Variants in TENM1 observed in about 807,000 individuals in gnomAD.
TENM1 encodes teneurin-1.
A neutral mutation model predicts 174.8 loss-of-function variants in TENM1; 35 were observed. The ratio of observed to expected loss-of-function variants is 0.20; its 90% CI spans 0.15 to 0.27. TENM1 has a LOEUF of 0.27. TENM1 is among the 10% of genes least tolerant of loss of function. TENM1 has a pLI of 1.00. For missense variants in TENM1, 1,633 were observed against 2,130.1 expected (o/e 0.77, Z 4.59); for synonymous variants, 781 against 798.7 (o/e 0.98, Z 0.37).
At chrX:125,111,119 G>T in the TENM1 span, among the ~76,000 whole-genome samples, 23 of 112,216 alleles carry the variant, frequency 2.0e-4, no homozygotes, top group Non-Finnish European at 4.3e-4. Context: ...ATATTTAACA[G>T]ATTTGCATTA....
intron 3 of TENM1, among the ~76,000 whole-genome samples, chrX:124,768,844 C>T (rs1158724342): frequency 1.8e-5 from 2 of 112,437 alleles, no homozygotes. Flanking sequence ...GTATTGAACA[C>T]TCAGAGAGTT....
At chrX:124,644,210 C>CATATATATATATATATAT (rs202056765) in intron 10 of TENM1, among the ~76,000 whole-genome samples, 7 of 95,673 alleles carry the variant, frequency 7.3e-5, no homozygotes, top group African/African-American at 2.7e-4. Flanking sequence ...TTTACATATA[C>CATATATATATATATATAT]ATATATATAT....
intron 14 of TENM1, among the ~76,000 whole-genome samples, chrX:124,561,088 A>G (rs1197995841): frequency 6.2e-5 from 7 of 112,359 alleles, no homozygotes; most frequent in African/African-American, 9.7e-5. Flanking sequence ...TCTGAAAGGT[A>G]TAAAGTGCTA....
intron 20 of TENM1, among the ~76,000 whole-genome samples, chrX:124,492,225 A>G (rs1207371001): frequency 8.9e-6 from 1 of 111,878 alleles, no homozygotes; most frequent in Admixed American, 9.5e-5. Flanking sequence ...CCAAGGAAAC[A>G]GATGACTCAA....
chrX:125,099,870 A>G, the TENM1 span, among the ~76,000 whole-genome samples: 1 of 111,923 alleles, frequency 8.9e-6, no homozygotes, highest in African/African-American at 3.2e-5. Context: ...CTTTTAATAA[A>G]CTTGGTGGAG....
At chrX:124,967,723 C>T (rs1417166742), upstream of TENM1, among the ~76,000 whole-genome samples, 1 of 111,687 alleles carries the variant, frequency 9.0e-6, no homozygotes, top group Non-Finnish European at 1.9e-5. Flanking sequence ...ATTGCTAGGT[C>T]GCATTGCAAT....
intron 14 of TENM1, among the ~76,000 whole-genome samples, chrX:124,555,357 C>A (rs897319005): frequency 7.2e-5 from 8 of 111,835 alleles, no homozygotes; most frequent in African/African-American, 2.6e-4. Flanking sequence ...TATAGAATTA[C>A]ACAATTTTAA....
At chrX:124,452,838 G>A (rs1330747108) in intron 23 of TENM1, among the ~76,000 whole-genome samples, 3 of 89,667 alleles carry the variant, frequency 3.3e-5, no homozygotes, top group African/African-American at 8.3e-5. Context: ...GACACAGGAA[G>A]GGGGACATCA....
At chrX:124,974,888 C>CTATATATATATATATATATATATATATAT in the TENM1 span, among the ~76,000 whole-genome samples, 34 of 72,743 alleles carry the variant, frequency 4.7e-4, 1 homozygote, top group African/African-American at 1.7e-3. Flanking sequence ...GGGACTGACA[C>CTATATATATATATATATATATATATATAT]TATATATATA....
chrX:124,887,595 A>G lies in TENM1; in HGVS notation c.535+6701T>C, dbSNP rs184080995. Among the ~76,000 whole-genome samples the G allele has an allele frequency of 5.0e-3, 559 of 111,880 alleles. 9 individuals are homozygous for G. The highest frequency in any genetic ancestry group is 0.017 in the African/African-American group (528 of 30,831). On this transcript the variant is annotated intron_variant, in intron 3 of 31. Transcript: ENST00000422452. The stretch of plus-strand genomic sequence containing the variant: ...CTGAAAAAGAAAATATGAGCTTGTT[A>G]TATCTACCTTGATAATGGCTTGAAA...
At chrX:125,155,945 G>A in the TENM1 span, among the ~76,000 whole-genome samples, 2 of 112,798 alleles carry the variant, frequency 1.8e-5, no homozygotes, top group African/African-American at 3.2e-5. Context: ...CTCAGGTGCC[G>A]CCAAAGTGGG....
chrX:125,068,842 G>A, the TENM1 span, among the ~76,000 whole-genome samples: 1 of 112,052 alleles, frequency 8.9e-6, no homozygotes, highest in East Asian at 2.8e-4. Flanking sequence ...AAAGGCATAA[G>A]TGAAGACAAA....
At chrX:124,880,770 T>C (rs2057289869) in intron 3 of TENM1, among the ~76,000 whole-genome samples, 1 of 112,096 alleles carries the variant, frequency 8.9e-6, no homozygotes, top group Non-Finnish European at 1.9e-5. Flanking sequence ...TCAAATGCTT[T>C]TCTACATCTA....
At chrX:124,838,666 A>C (rs1309511633) in intron 3 of TENM1, among the ~76,000 whole-genome samples, 1 of 111,235 alleles carries the variant, frequency 9.0e-6, no homozygotes, top group Non-Finnish European at 1.9e-5. Flanking sequence ...GTACAAATTA[A>C]AACCACCACA....
chrX:124,857,945 A>T (rs1278927302), intron 3 of TENM1, among the ~76,000 whole-genome samples: 2 of 111,518 alleles, frequency 1.8e-5, no homozygotes, highest in East Asian at 5.7e-4. Context: ...GATAAAATTC[A>T]AATATTACAT....
chrX:124,765,426 A>G (rs988496137), intron 3 of TENM1, among the ~76,000 whole-genome samples: 1 of 111,944 alleles, frequency 8.9e-6, no homozygotes, highest in Non-Finnish European at 1.9e-5. Context: ...TAGCACCTGC[A>G]GTGTGGTACA....
chrX:124,653,110 C>T (rs1245704034), intron 7 of TENM1, among the ~76,000 whole-genome samples: 2 of 111,709 alleles, frequency 1.8e-5, no homozygotes, highest in Non-Finnish European at 3.8e-5. Flanking sequence ...CTATAAAAAT[C>T]ATAGAAGTTT....
the TENM1 span, among the ~76,000 whole-genome samples, chrX:125,044,856 T>G: frequency 4.5e-5 from 5 of 111,653 alleles, no homozygotes; most frequent in African/African-American, 1.6e-4. Flanking sequence ...CAATTACATT[T>G]TCAATTATCT....
chrX:124,545,438 T>G (rs2048408950), intron 15 of TENM1, among the ~76,000 whole-genome samples: 1 of 112,158 alleles, frequency 8.9e-6, no homozygotes, highest in African/African-American at 3.2e-5. Flanking sequence ...CTCTCTTAGG[T>G]CTTGACTTTC....
Sources: gnomAD v4.1 joint callset for allele counts (sites outside exome capture counted in the v4.1 genomes callset) on GRCh38, gnomAD v4.1.1 for gene constraint, MANE v1.5 for transcripts, NCBI Gene and HGNC (gene_info 2026-07-23, HGNC 2026-07-21) for gene names.